Variants in DACH2 observed in about 807,000 individuals in gnomAD.
DACH2 encodes dachshund family transcription factor 2, also known as dachshund homolog 2.
DACH2 carries 17 observed loss-of-function variants against 35.8 expected under a neutral mutation model. The observed-to-expected ratio is 0.48, with a 90% CI of 0.33 to 0.71. DACH2 has a LOEUF of 0.71. Ranked by LOEUF, DACH2 falls within the 30% of genes least tolerant of loss-of-function variation. The pLI is 0.02. For missense variants in DACH2, 469 were observed against 472.7 expected (o/e 0.99, Z 0.07); for synonymous variants, 195 against 177.3 (o/e 1.10, Z -0.79).
chrX:86,813,260 T>C lies in DACH2; in HGVS notation c.1520T>C (p.Val507Ala). 8.3e-7 allele frequency: 1 copy of C among 1,199,271 alleles called. No individual in the cohort carries two copies. Among genetic ancestry groups the C allele is most frequent in the East Asian group, 3.0e-5 (1 of 33,593 alleles). Residue 507 changes from valine (V) to alanine (A), a missense_variant, in exon 9 of 12, where the codon GTT becomes GCT. This residue lies in a region of DACH2 where 363 missense variants were observed against 334.4 expected (regional missense o/e 1.09). Transcript: ENST00000373125. Reference sequence around the variant, plus strand: ...GAAAACCTTGAAAGACAACTTGCAGTTGAGCTTCAAAGCAGAAGTAAGTTT... The same window carrying C: ...GAAAACCTTGAAAGACAACTTGCAGCTGAGCTTCAAAGCAGAAGTAAGTTT... The part of the protein sequence containing the change: ...IRENLERQLA[V>A]ELQSRTTMQK...
chrX:86,310,220 G>A (rs1049715345), intron 1 of DACH2, among the ~76,000 whole-genome samples: 4 of 112,241 alleles, frequency 3.6e-5, no homozygotes, highest in South Asian at 3.7e-4. Context: ...GACCCATCTA[G>A]CCATAAAGTG....
intron 1 of DACH2, among the ~76,000 whole-genome samples, chrX:86,300,319 A>C (rs890185505): frequency 8.9e-6 from 1 of 112,076 alleles, no homozygotes; most frequent in Non-Finnish European, 1.9e-5. Context: ...ATGCTATTTC[A>C]CTTTACTAAT....
chrX:86,645,669 G>A (rs1210465466), intron 3 of DACH2, among the ~76,000 whole-genome samples: 1 of 111,325 alleles, frequency 9.0e-6, no homozygotes, highest in Admixed American at 9.6e-5. Flanking sequence ...ATCAATGATG[G>A]ACTGGATAAA....
intron 2 of DACH2, among the ~76,000 whole-genome samples, chrX:86,413,100 T>C (rs923978383): frequency 9.0e-6 from 1 of 111,413 alleles, no homozygotes; most frequent in African/African-American, 3.3e-5. Flanking sequence ...GAGGTAGAAG[T>C]TCCCTAAATT....
At position 86,282,572 on chromosome X, in the gene DACH2, A is replaced by G. The variant is rs1040984098; in HGVS notation, c.489-94252A>G. Among the ~76,000 whole-genome samples the G allele has an allele frequency of 1.1e-4, 12 of 111,596 alleles. 1 individual carries two copies. The highest frequency in any genetic ancestry group is 2.1e-4 in the Non-Finnish European group (11 of 53,179). On this transcript the variant is annotated intron_variant, in intron 1 of 11. Transcript: ENST00000373125. ...ACATAGGCTATACCATTCAGGACAT[A>G]GGCATGGACAAAGACTTCATGATTA...
intron 3 of DACH2, among the ~76,000 whole-genome samples, chrX:86,637,069 C>T (rs1208057798): frequency 3.0e-5 from 3 of 100,085 alleles, no homozygotes; most frequent in African/African-American, 1.1e-4. Flanking sequence ...CATGAACAGA[C>T]ACTTTTCAAA....
At chrX:86,395,958 A>G (rs1266545020) in intron 2 of DACH2, among the ~76,000 whole-genome samples, 2 of 111,531 alleles carry the variant, frequency 1.8e-5, no homozygotes, top group Non-Finnish European at 3.8e-5. Context: ...CTGAGGAATC[A>G]CCACACCGAC....
At chrX:86,431,501 T>C (rs971156047) in intron 2 of DACH2, among the ~76,000 whole-genome samples, 1 of 111,481 alleles carries the variant, frequency 9.0e-6, no homozygotes, top group Non-Finnish European at 1.9e-5. Context: ...ATGGAGAGCA[T>C]GAAAGATCAG....
chrX:86,549,158 A>G (rs919584478), intron 3 of DACH2, among the ~76,000 whole-genome samples: 3 of 111,790 alleles, frequency 2.7e-5, no homozygotes, highest in Non-Finnish European at 5.6e-5. Context: ...GATGTCACAC[A>G]CATGCATTTC....
At chrX:86,296,660 C>A (rs2034468923) in intron 1 of DACH2, among the ~76,000 whole-genome samples, 1 of 110,956 alleles carries the variant, frequency 9.0e-6, no homozygotes, top group Non-Finnish European at 1.9e-5. Flanking sequence ...CAATAGAATC[C>A]TTTTGATAAC....
intron 1 of DACH2, among the ~76,000 whole-genome samples, chrX:86,220,002 C>CAAAAAAA (rs574196058): frequency 1.6e-5 from 1 of 61,276 alleles, no homozygotes; most frequent in African/African-American, 6.6e-5. Context: ...ACTAAAAATA[C>CAAAAAAA]AAAAAAAAAA....
chrX:86,301,279 G>A (rs1462795091), intron 1 of DACH2, among the ~76,000 whole-genome samples: 1 of 112,026 alleles, frequency 8.9e-6, no homozygotes, highest in African/African-American at 3.2e-5. Context: ...AATGGATTGT[G>A]CAACAGATAC....
rs750727333 is a variant in DACH2, at chrX:86,377,493, CAT to C, written c.527+634_527+635del. On this transcript the variant is annotated intron_variant, in intron 2 of 11. Coordinates refer to ENST00000373125, the MANE Select transcript of DACH2 (RefSeq NM_053281.3). The stretch of plus-strand genomic sequence containing the variant: ...TTAGTAAAAGGGCAATCAGAGATAA[CAT>C]ATTGTTCCAGGCCTCAGACATTTTA... Among the ~76,000 whole-genome samples the C allele has an allele frequency of 5.4e-4, 60 of 110,729 alleles. 1 individual carries two copies. The highest frequency in any genetic ancestry group is 1.9e-3 in the African/African-American group (59 of 30,691).
chrX:86,571,748 C>T (rs993374714), intron 3 of DACH2, among the ~76,000 whole-genome samples: 1 of 110,300 alleles, frequency 9.1e-6, no homozygotes, highest in Non-Finnish European at 1.9e-5. Context: ...TTGCCTTTCT[C>T]TATAAATTTA....
intron 1 of DACH2, among the ~76,000 whole-genome samples, chrX:86,175,902 G>T (rs770756551): frequency 9.0e-6 from 1 of 111,230 alleles, no homozygotes; most frequent in African/African-American, 3.3e-5. Flanking sequence ...ATAGCTATCT[G>T]GGTAAGTATT....
At chrX:86,584,004 T>C (rs2039536804) in intron 3 of DACH2, among the ~76,000 whole-genome samples, 2 of 111,337 alleles carry the variant, frequency 1.8e-5, no homozygotes, top group Admixed American at 9.6e-5. Context: ...GAATTGGTGC[T>C]ATCTCTTATT....
At chrX:86,521,646 C>T (rs1000754613) in intron 3 of DACH2, among the ~76,000 whole-genome samples, 13 of 111,517 alleles carry the variant, frequency 1.2e-4, no homozygotes, top group African/African-American at 2.3e-4. Flanking sequence ...CTAGACAAAA[C>T]GTTGAGTGAG....
At chrX:86,309,608 C>T (rs4504797) in intron 1 of DACH2, among the ~76,000 whole-genome samples, 21,438 of 111,168 alleles carry the variant, frequency 0.19, 2,290 homozygotes, top group African/African-American at 0.38. Context: ...ATTGGAGACA[C>T]TTGCATGCCA....
At chrX:86,445,524 G>T (rs868218842) in intron 2 of DACH2, among the ~76,000 whole-genome samples, 1 of 8,039 alleles carries the variant, frequency 1.2e-4, no homozygotes, top group Non-Finnish European at 2.1e-4. Flanking sequence ...TAAAAAAAAA[G>T]AAAAAAAAGA....
Sources: allele counts gnomAD v4.1 joint callset (sites outside exome capture counted in the v4.1 genomes callset), GRCh38; gene constraint gnomAD v4.1.1; regional missense constraint gnomAD v4.1.1; transcripts MANE v1.5; gene names NCBI Gene and HGNC (gene_info 2026-07-23, HGNC 2026-07-21).